LRP1B: variants seen among roughly 807,000 people sequenced by gnomAD.
The protein encoded by LRP1B is low-density lipoprotein receptor-related protein 1B.
In LRP1B, 217 loss-of-function variants were observed where a neutral mutation model predicts 556.6. The observed-to-expected ratio is 0.39, with a 90% CI of 0.35 to 0.44. The LOEUF is 0.44. LRP1B is among the 20% of genes least tolerant of loss of function. The probability of loss-of-function intolerance (pLI) is 1.00; values close to 1 mark genes in which losing one functional copy is unlikely to be tolerated. For synonymous variants in LRP1B, 2,047 were observed against 1,865.8 expected (o/e 1.10, Z -2.50); for missense variants, 5,053 against 5,620.8 (o/e 0.90, Z 3.23).
chr2:141,037,843 C>T (rs1698577484), intron 11 of LRP1B, among the ~76,000 whole-genome samples: 1 of 151,706 alleles, frequency 6.6e-6, no homozygotes, highest in Non-Finnish European at 1.5e-5. Flanking sequence ...TTCCAAAAAC[C>T]TTGCAAGCAC....
At chr2:140,320,277 C>A (rs967600970) in intron 82 of LRP1B, among the ~76,000 whole-genome samples, 2 of 152,136 alleles carry the variant, frequency 1.3e-5, no homozygotes, top group African/African-American at 4.8e-5. Flanking sequence ...ATCAATTCAT[C>A]TTTTCAAACG....
chr2:140,331,979 G>A (rs138001656), intron 79 of LRP1B, among the ~76,000 whole-genome samples: 1 of 151,932 alleles, frequency 6.6e-6, no homozygotes, highest in Non-Finnish European at 1.5e-5. Flanking sequence ...TTACAGACAT[G>A]AGCCACCACA....
intron 1 of LRP1B, among the ~76,000 whole-genome samples, chr2:141,973,013 A>G (rs947914453): frequency 2.0e-5 from 3 of 151,682 alleles, no homozygotes; most frequent in Non-Finnish European, 4.4e-5. Flanking sequence ...TGACAAAAAT[A>G]TCTCATTTCA....
At chr2:141,161,970 A>G (rs1443714178) in intron 7 of LRP1B, among the ~76,000 whole-genome samples, 1 of 152,062 alleles carries the variant, frequency 6.6e-6, no homozygotes, top group Non-Finnish European at 1.5e-5. Context: ...AACCCTGACA[A>G]CTTGGCTTAA....
At chr2:141,515,949 T>G (rs1038905993) in intron 2 of LRP1B, among the ~76,000 whole-genome samples, 1 of 152,212 alleles carries the variant, frequency 6.6e-6, no homozygotes, top group Non-Finnish European at 1.5e-5. Flanking sequence ...AAGACTCATA[T>G]TTGGTAGAAA....
chr2:141,655,627 G>T (rs189820804), intron 2 of LRP1B, among the ~76,000 whole-genome samples: 2 of 152,168 alleles, frequency 1.3e-5, no homozygotes, highest in Non-Finnish European at 2.9e-5. Context: ...TGGGGTTATT[G>T]CTACCATAAA....
chr2:142,055,534 C>T (rs1385866769), intron 1 of LRP1B, among the ~76,000 whole-genome samples: 4 of 152,124 alleles, frequency 2.6e-5, no homozygotes, highest in African/African-American at 9.7e-5. Context: ...GACATTTGAG[C>T]CTTACATACA....
At chr2:141,541,772 A>C (rs1685269847) in intron 2 of LRP1B, among the ~76,000 whole-genome samples, 1 of 152,198 alleles carries the variant, frequency 6.6e-6, no homozygotes, top group South Asian at 2.1e-4. Context: ...TAGAATACAT[A>C]AATAGATACT....
intron 68 of LRP1B, 115 bp from the exon 69 acceptor site, chr2:140,373,252 G>A (rs1683072178): frequency 1.2e-6 from 1 of 826,818 alleles, no homozygotes; most frequent in Admixed American, 3.0e-5. Flanking sequence ...GGAACAACTT[G>A]TTTCACAACT....
chr2:141,344,272 A>T (rs1456536606), intron 3 of LRP1B, among the ~76,000 whole-genome samples: 1 of 152,168 alleles, frequency 6.6e-6, no homozygotes, highest in African/African-American at 2.4e-5. Context: ...ACTTAGTAAC[A>T]GCTAAAGTCC....
intron 2 of LRP1B, among the ~76,000 whole-genome samples, chr2:141,737,371 C>CA (rs1422840805): frequency 6.6e-6 from 1 of 152,012 alleles, no homozygotes; most frequent in Non-Finnish European, 1.5e-5. Flanking sequence ...AAACAAACAA[C>CA]AAAAAAGCGG....
chr2:140,488,729 T>C (rs1688578232), intron 57 of LRP1B, among the ~76,000 whole-genome samples: 2 of 152,058 alleles, frequency 1.3e-5, no homozygotes, highest in Admixed American at 1.3e-4. Flanking sequence ...TCAAGAGATC[T>C]CTGCCATGTT....
intron 66 of LRP1B, among the ~76,000 whole-genome samples, chr2:140,437,205 T>G (rs576126995): frequency 6.6e-6 from 1 of 152,176 alleles, no homozygotes; most frequent in South Asian, 2.1e-4. Context: ...CAACCCCCAT[T>G]AGAGACGAAT....
intron 66 of LRP1B, among the ~76,000 whole-genome samples, chr2:140,418,903 T>A (rs1014858511): frequency 6.6e-6 from 1 of 151,388 alleles, no homozygotes; most frequent in African/African-American, 2.4e-5. Flanking sequence ...GGTTGAAGGC[T>A]GCTGTCATAG....
intron 1 of LRP1B, among the ~76,000 whole-genome samples, chr2:141,894,317 A>G (rs1699372106): frequency 6.6e-6 from 1 of 152,042 alleles, no homozygotes. Flanking sequence ...CCTCTAAATC[A>G]TAAAAATTTT....
intron 1 of LRP1B, among the ~76,000 whole-genome samples, chr2:141,965,753 A>T (rs1173397762): frequency 2.1e-5 from 3 of 141,792 alleles, no homozygotes; most frequent in African/African-American, 7.6e-5. Context: ...GAATTAAAAA[A>T]AATAATAATA....
intron 35 of LRP1B, among the ~76,000 whole-genome samples, chr2:140,762,043 C>T (rs774989354): frequency 6.6e-6 from 1 of 151,982 alleles, no homozygotes; most frequent in Admixed American, 6.6e-5. Context: ...TGAAGCTGTG[C>T]CATGAGTCTT....
intron 1 of LRP1B, among the ~76,000 whole-genome samples, chr2:141,862,000 G>A (rs1312494871): frequency 2.0e-5 from 3 of 151,838 alleles, no homozygotes; most frequent in Non-Finnish European, 4.4e-5. Flanking sequence ...CTTTCATATT[G>A]TTACTTAGTC....
intron 7 of LRP1B, among the ~76,000 whole-genome samples, chr2:141,169,177 T>C (rs897655053): frequency 2.0e-5 from 3 of 151,462 alleles, no homozygotes; most frequent in African/African-American, 7.3e-5. Flanking sequence ...TCCCAGCTAC[T>C]TGGGAGGCTG....
Sources: gnomAD v4.1 joint callset for allele counts (sites outside exome capture counted in the v4.1 genomes callset) on GRCh38, gnomAD v4.1.1 for gene constraint, MANE v1.5 for transcripts, NCBI Gene and HGNC (gene_info 2026-07-23, HGNC 2026-07-21) for gene names.